Variants in CTNNA2 observed in about 807,000 individuals in gnomAD.
The protein encoded by CTNNA2 is catenin alpha-2.
CTNNA2 carries 42 observed loss-of-function variants against 101.0 expected under a neutral mutation model. That is an observed-to-expected ratio of 0.42 (90% CI 0.32 to 0.54). The LOEUF is 0.54. Among genes scored for constraint, CTNNA2 ranks in the 20% least tolerant of loss-of-function variants. The probability of loss-of-function intolerance (pLI) is 0.14; values close to 1 mark genes in which losing one functional copy is unlikely to be tolerated. For missense variants in CTNNA2, 871 were observed against 1,223.1 expected (o/e 0.71, Z 4.29); for synonymous variants, 450 against 456.4 (o/e 0.99, Z 0.18).
At chr2:80,097,794 G>A (rs539177546) in intron 7 of CTNNA2, among the ~76,000 whole-genome samples, 24 of 152,106 alleles carry the variant, frequency 1.6e-4, no homozygotes, top group African/African-American at 4.3e-4. Context: ...CCAGTTGATC[G>A]CATTGCCTAC....
chr2:79,599,005 G>A (rs553880675), intron 1 of CTNNA2, among the ~76,000 whole-genome samples: 80 of 152,094 alleles, frequency 5.3e-4, no homozygotes, highest in African/African-American at 1.6e-3. Flanking sequence ...TATCTAGACC[G>A]CTTTTTTTAA....
chr2:80,519,169 A>G (rs550443402), intron 9 of CTNNA2, among the ~76,000 whole-genome samples: 10 of 152,090 alleles, frequency 6.6e-5, no homozygotes, highest in Non-Finnish European at 1.2e-4. Context: ...TATATTATAA[A>G]ATCAAGGAGC....
At chr2:79,610,053 G>A (rs1389772830) in intron 1 of CTNNA2, among the ~76,000 whole-genome samples, 1 of 152,062 alleles carries the variant, frequency 6.6e-6, no homozygotes, top group Non-Finnish European at 1.5e-5. Flanking sequence ...TGTCCAGAAT[G>A]TATAAGGAAC....
intron 7 of CTNNA2, among the ~76,000 whole-genome samples, chr2:80,004,106 T>A (rs904807678): frequency 2.0e-5 from 3 of 152,200 alleles, no homozygotes; most frequent in South Asian, 2.1e-4. Flanking sequence ...AATTTTTTTT[T>A]AATCTCTTTG....
chr2:80,109,490 A>T (rs1003621497), intron 7 of CTNNA2, among the ~76,000 whole-genome samples: 1 of 150,324 alleles, frequency 6.7e-6, no homozygotes, highest in African/African-American at 2.5e-5. Flanking sequence ...AAACAAACAA[A>T]CAAGAACTTA....
chr2:80,023,186 A>G (rs1040105873), intron 7 of CTNNA2, among the ~76,000 whole-genome samples: 2 of 152,236 alleles, frequency 1.3e-5, no homozygotes, highest in Admixed American at 6.5e-5. Flanking sequence ...AATCTAGTTT[A>G]GCATTTTTAT....
intron 1 of CTNNA2, among the ~76,000 whole-genome samples, chr2:79,615,145 T>C (rs1678533612): frequency 6.6e-6 from 1 of 152,188 alleles, no homozygotes; most frequent in South Asian, 2.1e-4. Flanking sequence ...TCTTCTTTAA[T>C]TGGATTACCA....
At chr2:79,304,626 TC>T (rs1480534238) in intron 2 of CTNNA2, among the ~76,000 whole-genome samples, 1 of 152,222 alleles carries the variant, frequency 6.6e-6, no homozygotes, top group East Asian at 1.9e-4. Context: ...CCTCAATGGT[TC>T]TTTTTCTGTT....
chr2:79,682,718 G>A (rs553626756), intron 2 of CTNNA2, among the ~76,000 whole-genome samples: 34 of 152,188 alleles, frequency 2.2e-4, no homozygotes, highest in African/African-American at 7.7e-4. Context: ...AGCTTATCAC[G>A]TTTGTGCTTT....
intron 2 of CTNNA2, chr2:79,281,679 T>G (rs1263430641): frequency 2.6e-5 from 4 of 152,210 alleles, no homozygotes; most frequent in Admixed American, 2.6e-4. Flanking sequence ...GTTTCAGTAT[T>G]TGACAAGTGA....
intron 9 of CTNNA2, among the ~76,000 whole-genome samples, chr2:80,469,637 T>C (rs767870740): frequency 9.2e-5 from 14 of 152,190 alleles, no homozygotes; most frequent in Non-Finnish European, 1.9e-4. Flanking sequence ...GATTGGCTAA[T>C]AAGGTCAGGG....
At position 79,909,767 on chromosome 2, in the gene CTNNA2, C is replaced by A; in HGVS notation, c.1026C>A (p.Leu342=). The A allele has an allele frequency of 6.2e-7, 1 of 1,611,982 alleles. No homozygotes were observed. Among genetic ancestry groups the A allele is most frequent in the Non-Finnish European group, 8.5e-7 (1 of 1,178,912 alleles). Residue 342 remains leucine, a synonymous_variant, in exon 7 of 19, where the codon CTC becomes CTA. Coordinates refer to ENST00000402739, the MANE Select transcript of CTNNA2 (RefSeq NM_001282597.3). ...AGTGCAACGCCGTGCGGCAGGCGCT[C>A]CAGGACCTGCTCAGCGAGTACATGA... is the stretch of plus-strand genomic sequence containing the variant. The part of the protein sequence containing the change: ...VAECNAVRQA[L]QDLLSEYMNN...
chr2:79,470,027 T>C (rs1053864385), intron 4 of CTNNA2, among the ~76,000 whole-genome samples: 57 of 152,130 alleles, frequency 3.7e-4, no homozygotes, highest in Admixed American at 5.2e-4. Context: ...AAGTTCTGGC[T>C]AGGGCAGTCA....
chr2:80,163,258 T>A, intron 7 of CTNNA2: 1 of 699,266 alleles, frequency 1.4e-6, no homozygotes, highest in Non-Finnish European at 2.4e-6. Context: ...TTTCCAATAT[T>A]AAGCCAGCCT....
intron 9 of CTNNA2, among the ~76,000 whole-genome samples, chr2:80,437,243 A>G (rs910332006): frequency 6.6e-6 from 1 of 152,168 alleles, no homozygotes; most frequent in African/African-American, 2.4e-5. Flanking sequence ...GCCTGAACAC[A>G]CTAAGACAGC....
At chr2:80,284,923 A>C (rs1208972806) in intron 7 of CTNNA2, among the ~76,000 whole-genome samples, 1 of 152,150 alleles carries the variant, frequency 6.6e-6, no homozygotes, top group Non-Finnish European at 1.5e-5. Context: ...TAGACTGTGG[A>C]GCACAGTGGA....
intron 7 of CTNNA2, among the ~76,000 whole-genome samples, chr2:80,182,078 A>G (rs568708815): frequency 6.6e-5 from 10 of 152,318 alleles, no homozygotes; most frequent in Admixed American, 1.3e-4. Flanking sequence ...GGCTCACACA[A>G]TCACAAGGTA....
At chr2:79,786,635 A>G (rs1249953088) in intron 3 of CTNNA2, among the ~76,000 whole-genome samples, 2 of 152,182 alleles carry the variant, frequency 1.3e-5, no homozygotes, top group Admixed American at 6.5e-5. Context: ...TTCAGCTAAG[A>G]TTTACCTGTC....
intron 3 of CTNNA2, among the ~76,000 whole-genome samples, chr2:79,326,815 A>G (rs977517236): frequency 8.5e-5 from 13 of 152,158 alleles, no homozygotes; most frequent in African/African-American, 2.7e-4. Flanking sequence ...CAAAATTGCA[A>G]CAAGGTCCAT....
Sources: allele counts gnomAD v4.1 joint callset (sites outside exome capture counted in the v4.1 genomes callset), GRCh38; gene constraint gnomAD v4.1.1; transcripts MANE v1.5; gene names NCBI Gene and HGNC (gene_info 2026-07-23, HGNC 2026-07-21).